The following SETBP1 variants were observed in gnomAD, a reference collection of about 807,000 sequenced individuals.
SETBP1 encodes SET-binding protein.
Under a neutral mutation model 101.0 loss-of-function variants are expected in SETBP1, and 9 were observed. The ratio of observed to expected loss-of-function variants is 0.09; its 90% CI spans 0.05 to 0.16. The LOEUF is 0.16. Among genes scored for constraint, SETBP1 ranks in the 10% least tolerant of loss-of-function variants. The pLI, the probability that SETBP1 is intolerant of heterozygous loss-of-function variation, is 1.00. For synonymous variants in SETBP1, 818 were observed against 788.5 expected, an observed-to-expected ratio of 1.04 and a Z score of -0.63; for missense variants, 1,858 against 2,033.8, an observed-to-expected ratio of 0.91 and a Z score of 1.66.
intron 5 of SETBP1, among the ~76,000 whole-genome samples, chr18:45,045,602 C>T (rs1225139151): frequency 6.6e-6 from 1 of 152,162 alleles, no homozygotes; most frequent in Non-Finnish European, 1.5e-5. Flanking sequence ...ACACACCACA[C>T]ATGGGCCATG....
intron 3 of SETBP1, among the ~76,000 whole-genome samples, chr18:44,887,557 A>T (rs2069676512): frequency 6.6e-6 from 1 of 152,168 alleles, no homozygotes; most frequent in African/African-American, 2.4e-5. Context: ...TGATAATGAG[A>T]TGACAAAACA....
intron 2 of SETBP1, among the ~76,000 whole-genome samples, chr18:44,726,813 A>G (rs924127555): frequency 1.3e-5 from 2 of 152,174 alleles, no homozygotes; most frequent in African/African-American, 4.8e-5. Context: ...TAATACGTGG[A>G]GAAGAGCCCA....
chr18:44,930,084 G>A lies in SETBP1; in HGVS notation c.541-19797G>A, dbSNP rs369145023. Reference sequence around the variant, plus strand: ...ATTGGCTGTGGATTTATCATAAATAGCTCTTATTATTTGGAGATACGTCCC... The same window carrying A: ...ATTGGCTGTGGATTTATCATAAATAACTCTTATTATTTGGAGATACGTCCC... On this transcript the variant is annotated intron_variant, in intron 3 of 5. Transcript: ENST00000649279. Among the ~76,000 whole-genome samples, 5 of 152,268 alleles carry A rather than the reference G, an allele frequency of 3.3e-5. No homozygotes were observed. In the East Asian group the frequency reaches 5.8e-4, roughly 18 times the overall value.
chr18:44,700,121 A>T (rs980731035), intron 1 of SETBP1, among the ~76,000 whole-genome samples: 65 of 152,258 alleles, frequency 4.3e-4, no homozygotes, highest in African/African-American at 1.5e-3. Context: ...TTCTCCTGAG[A>T]CTGAGCGTTT....
At chr18:44,847,802 G>T (rs1033588065) in intron 2 of SETBP1, among the ~76,000 whole-genome samples, 1 of 152,208 alleles carries the variant, frequency 6.6e-6, no homozygotes, top group Non-Finnish European at 1.5e-5. Context: ...GGGTCCAGAA[G>T]ATAGATCTTG....
chr18:45,030,882 T>G (rs990946644), intron 4 of SETBP1, among the ~76,000 whole-genome samples: 3 of 152,062 alleles, frequency 2.0e-5, no homozygotes, highest in Admixed American at 6.6e-5. Flanking sequence ...TTTTATTGCG[T>G]CTATTTGATT....
chr18:45,045,119 T>TAA (rs879655921), intron 5 of SETBP1, among the ~76,000 whole-genome samples: 1 of 141,400 alleles, frequency 7.1e-6, no homozygotes, highest in Non-Finnish European at 1.5e-5. Context: ...CCGTCTTTAC[T>TAA]AAAAAAAAAA....
chr18:44,927,572 G>T (rs1213506424), intron 3 of SETBP1, among the ~76,000 whole-genome samples: 1 of 152,248 alleles, frequency 6.6e-6, no homozygotes, highest in South Asian at 2.1e-4. Context: ...GGAAGGCAGA[G>T]AAGATTGAGG....
intron 4 of SETBP1, among the ~76,000 whole-genome samples, chr18:44,959,231 C>G (rs911250677): frequency 6.6e-6 from 1 of 152,170 alleles, no homozygotes; most frequent in African/African-American, 2.4e-5. Context: ...AATATGGATC[C>G]TTTCTTGGCT....
intron 3 of SETBP1, among the ~76,000 whole-genome samples, chr18:44,930,888 G>T (rs970548708): frequency 6.6e-6 from 1 of 151,396 alleles, no homozygotes; most frequent in Non-Finnish European, 1.5e-5. Context: ...AAAAAAAACT[G>T]CTCCTGGATT....
intron 2 of SETBP1, among the ~76,000 whole-genome samples, chr18:44,704,384 A>G (rs1022050169): frequency 6.6e-6 from 1 of 152,260 alleles, no homozygotes; most frequent in Non-Finnish European, 1.5e-5. Context: ...GAGAGGAAGA[A>G]GAAGGGCTGA....
At chr18:44,836,352 C>T (rs1243367739) in intron 2 of SETBP1, among the ~76,000 whole-genome samples, 1 of 152,130 alleles carries the variant, frequency 6.6e-6, no homozygotes. Context: ...ACCTCTGGTT[C>T]AACGTTATTG....
chr18:44,895,984 C>A (rs78901601), intron 3 of SETBP1, among the ~76,000 whole-genome samples: 87 of 152,278 alleles, frequency 5.7e-4, no homozygotes, highest in African/African-American at 2.1e-3. Context: ...ACCCTCCTTA[C>A]ACACACTCCC....
chr18:45,063,978 C>T lies in SETBP1; in HGVS notation c.*280C>T. The T allele has an allele frequency of 5.8e-6, 2 of 343,584 alleles. No homozygotes were observed. The highest frequency in any genetic ancestry group is 1.1e-5 in the Non-Finnish European group (2 of 184,872). The allele number at this position is 343,584 out of a possible 1,614,324, so 21.3% of individuals were successfully genotyped here. On this transcript the variant is annotated 3_prime_UTR_variant, in exon 6 of 6. Coordinates refer to ENST00000649279, the MANE Select transcript of SETBP1 (RefSeq NM_015559.3). ...GGATCCTCCGCAGGCGAGCGGAAGG[C>T]CCCCAGGAGGAGCAGGCTGGTGGCA...
intron 3 of SETBP1, chr18:44,877,427 C>G: frequency 1.0e-6 from 1 of 962,198 alleles, no homozygotes; most frequent in Non-Finnish European, 1.2e-6. Flanking sequence ...CCTTATTTGT[C>G]TTTTTCTTCT....
At chr18:44,994,603 A>T (rs1300775109) in intron 4 of SETBP1, among the ~76,000 whole-genome samples, 4 of 151,888 alleles carry the variant, frequency 2.6e-5, no homozygotes, top group Non-Finnish European at 5.9e-5. Flanking sequence ...CATAGGGAAA[A>T]TTTTTTTTGT....
intron 2 of SETBP1, among the ~76,000 whole-genome samples, chr18:44,845,062 A>C (rs1184453293): frequency 6.6e-6 from 1 of 152,214 alleles, no homozygotes; most frequent in Non-Finnish European, 1.5e-5. Context: ...GTGACACAAA[A>C]GAGTGATATG....
At chr18:45,016,854 G>A (rs2072956732) in intron 4 of SETBP1, among the ~76,000 whole-genome samples, 2 of 142,910 alleles carry the variant, frequency 1.4e-5, no homozygotes, top group Non-Finnish European at 1.5e-5. Flanking sequence ...GTCAACGGCA[G>A]GTTTTCAGAG....
intron 2 of SETBP1, among the ~76,000 whole-genome samples, chr18:44,724,168 G>A (rs1481919178): frequency 1.3e-5 from 2 of 152,224 alleles, no homozygotes; most frequent in African/African-American, 4.8e-5. Context: ...AATGTTGGAT[G>A]TCACAGGGCT....
Sources: allele counts gnomAD v4.1 joint callset (sites outside exome capture counted in the v4.1 genomes callset), GRCh38; gene constraint gnomAD v4.1.1; transcripts MANE v1.5; gene names NCBI Gene and HGNC (gene_info 2026-07-23, HGNC 2026-07-21).